The following SANBR variants were observed in gnomAD, a reference collection of about 807,000 sequenced individuals.
SANBR encodes the protein SANT and BTB domain regulator of class switch recombination.
SANBR carries 77 observed loss-of-function variants against 101.8 expected under a neutral mutation model. The ratio of observed to expected loss-of-function variants is 0.76; its 90% CI spans 0.63 to 0.91. SANBR has a LOEUF of 0.91. Among genes scored for constraint, SANBR ranks in the 40% least tolerant of loss-of-function variants. The pLI is 0.00. For synonymous variants in SANBR, 279 were observed against 274.7 expected, an observed-to-expected ratio of 1.02 and a Z score of -0.15; for missense variants, 875 against 853.0, an observed-to-expected ratio of 1.03 and a Z score of -0.32.
rs751763997 is a variant in SANBR, at chr2:61,088,542, C to T, written c.1088+74C>T. On this transcript the variant is annotated intron_variant, in intron 10 of 21. Coordinates refer to ENST00000402291, the MANE Select transcript of SANBR (RefSeq NM_001129993.3). ...ATAGTTGTTGTTGTTGTTTTGGAGA[C>T]GGAGTCTTACTCTGTCACCCAGGCT... The T allele has an allele frequency of 3.8e-5, 37 of 973,612 alleles. No homozygotes were observed. The East Asian group carries it at 9.0e-4, about 24-fold the overall frequency. 60.3% of individuals were successfully genotyped at this position (973,612 alleles called of 1,614,324 possible). A position where few individuals can be genotyped will look rare whatever the true frequency, so the allele number is the denominator to read the frequency against.
intron 6 of SANBR, among the ~76,000 whole-genome samples, chr2:61,078,485 A>G (rs57287858): frequency 0.65 from 97,846 of 151,620 alleles, 33,586 homozygotes; most frequent in African/African-American, 0.89. Flanking sequence ...GCAACGGTGC[A>G]ATCTCAGCTC....
At chr2:61,079,247 G>A (rs1407928819) in intron 6 of SANBR, among the ~76,000 whole-genome samples, 2 of 152,104 alleles carry the variant, frequency 1.3e-5, no homozygotes, top group Non-Finnish European at 2.9e-5. Context: ...GAGATCAAAA[G>A]TTCAAGAGCC....
chr2:61,121,096 A>C (rs1337565380), intron 20 of SANBR, 89 bp from the exon 21 acceptor site: 1 of 919,856 alleles, frequency 1.1e-6, no homozygotes, highest in Non-Finnish European at 1.6e-6. Flanking sequence ...AAATAAAATT[A>C]CTTCTAAATT....
intron 6 of SANBR, among the ~76,000 whole-genome samples, chr2:61,080,384 C>T (rs1186269483): frequency 6.6e-6 from 1 of 152,054 alleles, no homozygotes; most frequent in Non-Finnish European, 1.5e-5. Flanking sequence ...TTACCATTTC[C>T]TGAGGTGCTT....
intron 11 of SANBR, chr2:61,093,359 G>A (rs976265763): frequency 3.3e-5 from 5 of 152,200 alleles, no homozygotes; most frequent in African/African-American, 1.2e-4. Context: ...ACTTTGGGAG[G>A]TTGAGGCAGG....
chr2:61,079,294 G>C (rs911039508), intron 6 of SANBR, among the ~76,000 whole-genome samples: 1 of 152,074 alleles, frequency 6.6e-6, no homozygotes, highest in Admixed American at 6.6e-5. Context: ...AGTATTACTA[G>C]TAGAATTACT....
At chr2:61,101,811 C>T (rs60195783) in intron 12 of SANBR, among the ~76,000 whole-genome samples, 9,284 of 151,752 alleles carry the variant, frequency 0.061, 988 homozygotes, top group African/African-American at 0.21. Context: ...CTGAGATGGG[C>T]GGACCACCTG....
chr2:61,088,321 TC>T (rs1451506753), intron 9 of SANBR, 36 bp from the exon 10 acceptor site: 1 of 1,572,186 alleles, frequency 6.4e-7, no homozygotes, highest in Non-Finnish European at 8.6e-7. Flanking sequence ...TTTACATTCT[TC>T]TTCCTGGATG....
At position 61,072,754 on chromosome 2, in the gene SANBR, G is replaced by A. The variant is rs147582570; in HGVS notation, c.338-704G>A. ...ATATTCTTTTACTTTATTTTAGAGG[G>A]GTTTGCCCTGTGCCCTTTACTTAAT... On this transcript the variant is annotated intron_variant, in intron 4 of 21. Coordinates refer to ENST00000402291, the MANE Select transcript of SANBR (RefSeq NM_001129993.3). 2.1e-5 allele frequency among the ~76,000 whole-genome samples: 3 copies of A among 145,452 alleles called. No homozygotes were observed. In the East Asian group the frequency reaches 6.1e-4, roughly 29 times the overall value.
chr2:61,094,506 T>C (rs1682930139), intron 11 of SANBR, among the ~76,000 whole-genome samples: 1 of 152,204 alleles, frequency 6.6e-6, no homozygotes, highest in Admixed American at 6.5e-5. Context: ...TATCACAGTA[T>C]GTTCAGACAT....
At chr2:61,097,897 TAA>T (rs1177542548) in intron 12 of SANBR, 45 bp downstream of exon 12, 7 of 1,504,728 alleles carry the variant, frequency 4.7e-6, no homozygotes, top group Middle Eastern at 1.7e-4. Context: ...TTTTAAAGTA[TAA>T]CAGTAATACA....
chr2:61,076,046 T>G (rs1681750780), intron 5 of SANBR, among the ~76,000 whole-genome samples: 3 of 151,624 alleles, frequency 2.0e-5, no homozygotes. Context: ...CAGTCTGGAG[T>G]GCAGTGGAGC....
intron 20 of SANBR, among the ~76,000 whole-genome samples, chr2:61,129,400 T>C (rs1031246922): frequency 2.0e-5 from 3 of 150,500 alleles, no homozygotes; most frequent in Admixed American, 6.6e-5. Flanking sequence ...GCCGAGATCA[T>C]GACACTGCAC....
chr2:61,083,800 C>T (rs944238354), intron 8 of SANBR, among the ~76,000 whole-genome samples: 6 of 149,974 alleles, frequency 4.0e-5, no homozygotes, highest in South Asian at 2.1e-4. Context: ...ACCTGGGAGG[C>T]GGAGCTTGCA....
chr2:61,099,087 T>C (rs1553433685), intron 12 of SANBR, among the ~76,000 whole-genome samples: 1 of 152,164 alleles, frequency 6.6e-6, no homozygotes, highest in Non-Finnish European at 1.5e-5. Flanking sequence ...AGAAGGAACA[T>C]AGTGAGTAAA....
At chr2:61,130,302 C>T (rs1684647552) in intron 20 of SANBR, among the ~76,000 whole-genome samples, 1 of 152,050 alleles carries the variant, frequency 6.6e-6, no homozygotes, top group Admixed American at 6.5e-5. Context: ...AATTGGATAA[C>T]TTAGATTAAA....
intron 11 of SANBR, 106 bp from the exon 12 acceptor site, chr2:61,097,594 C>A: frequency 1.1e-6 from 1 of 875,838 alleles, no homozygotes; most frequent in Non-Finnish European, 1.7e-6. Flanking sequence ...GCTTTTTCTG[C>A]ATATTTCATA....
At chr2:61,070,127 CTT>C (rs777987819) in intron 2 of SANBR, among the ~76,000 whole-genome samples, 3 of 152,186 alleles carry the variant, frequency 2.0e-5, no homozygotes, top group Non-Finnish European at 4.4e-5. Flanking sequence ...TTATTCATCT[CTT>C]CATCTTTTTA....
At chr2:61,105,895 C>T (rs1053058456) in intron 13 of SANBR, among the ~76,000 whole-genome samples, 5 of 152,008 alleles carry the variant, frequency 3.3e-5, no homozygotes, top group African/African-American at 9.7e-5. Flanking sequence ...TGGTCTCAAT[C>T]TCCTGACCTC....
Sources: allele counts gnomAD v4.1 joint callset (sites outside exome capture counted in the v4.1 genomes callset), GRCh38; gene constraint gnomAD v4.1.1; transcripts MANE v1.5; gene names NCBI Gene and HGNC (gene_info 2026-07-23, HGNC 2026-07-21).